FAM13A: variants seen among roughly 807,000 people sequenced by gnomAD.
FAM13A encodes protein FAM13A.
In FAM13A, 76 loss-of-function variants were observed where a neutral mutation model predicts 129.6. The ratio of observed to expected loss-of-function variants is 0.59; its 90% CI spans 0.49 to 0.71. The LOEUF is 0.71. Among genes scored for constraint, FAM13A ranks in the 30% least tolerant of loss-of-function variants. The pLI is 0.00. For missense variants in FAM13A, 1,108 were observed against 1,249.3 expected (o/e 0.89, Z 1.70); for synonymous variants, 443 against 449.9 (o/e 0.98, Z 0.20).
rs543475419 is a variant in FAM13A, at chr4:88,867,639, GA to G, written c.844-16457del. Among the ~76,000 whole-genome samples the G allele has an allele frequency of 6.6e-5, 10 of 152,306 alleles. No individual in the cohort carries two copies. In the East Asian group the frequency reaches 1.9e-3, roughly 29 times the overall value. On this transcript the variant is annotated intron_variant, in intron 6 of 23. Coordinates refer to ENST00000264344, the MANE Select transcript of FAM13A (RefSeq NM_014883.4). Reference sequence around the variant, plus strand: ...CACAAATATAGAAGACACAAATAATGAGGACTACTGTACTATATTTTGCATG... The same window carrying G: ...CACAAATATAGAAGACACAAATAATGGGACTACTGTACTATATTTTGCATG...
intron 14 of FAM13A, among the ~76,000 whole-genome samples, 187 bp downstream of exon 14, chr4:88,758,567 C>T (rs1744169930): frequency 6.6e-6 from 1 of 152,090 alleles, no homozygotes; most frequent in Non-Finnish European, 1.5e-5. Flanking sequence ...ATTGCAACTG[C>T]CCTCAGCAAC....
intron 7 of FAM13A, among the ~76,000 whole-genome samples, chr4:88,835,822 A>C (rs1341536497): frequency 6.6e-6 from 1 of 152,078 alleles, no homozygotes; most frequent in East Asian, 1.9e-4. Flanking sequence ...GTAAATAAAG[A>C]TGAGGCTTCA....
chr4:89,001,608 T>C (rs1227592250), intron 3 of FAM13A, among the ~76,000 whole-genome samples: 1 of 152,216 alleles, frequency 6.6e-6, no homozygotes, highest in African/African-American at 2.4e-5. Context: ...ATGCTTGTTA[T>C]GGAGTTCATA....
intron 3 of FAM13A, among the ~76,000 whole-genome samples, chr4:89,015,339 C>T (rs1393083244): frequency 2.0e-5 from 3 of 152,192 alleles, no homozygotes; most frequent in Non-Finnish European, 2.9e-5. Flanking sequence ...TGTACACTCC[C>T]TCCCCCTTTT....
intron 3 of FAM13A, 106 bp downstream of exon 3, chr4:89,020,354 C>A: frequency 1.4e-6 from 1 of 700,736 alleles, no homozygotes; most frequent in Non-Finnish European, 2.3e-6. Flanking sequence ...TGGCTTCAAG[C>A]AATCTTTCTA....
At chr4:88,957,485 T>C (rs535006028) in intron 4 of FAM13A, among the ~76,000 whole-genome samples, 200 of 152,320 alleles carry the variant, frequency 1.3e-3, no homozygotes, top group African/African-American at 4.2e-3. Flanking sequence ...ATTAGACCTC[T>C]TTTCTTCATA....
At position 88,747,730 on chromosome 4, in the gene FAM13A, C is replaced by T. The variant is rs900072648; in HGVS notation, c.2283G>A (p.Val761=). The part of the protein sequence containing the change: ...EKEDEKKQEL[V]DKAIKPSVEA... ...CAACACTGGGCTTTATTGCTTTATCCACCAGCTCTTGCTTCTTCTCATCTT... is the reference window on the plus strand; with the variant it reads ...CAACACTGGGCTTTATTGCTTTATCTACCAGCTCTTGCTTCTTCTCATCTT... The change falls in exon 18 of 24, where the codon GTG becomes GTA. Residue 761 remains valine, a synonymous_variant. Coordinates refer to ENST00000264344, the MANE Select transcript of FAM13A (RefSeq NM_014883.4). 2.5e-6 allele frequency: 4 copies of T among 1,614,048 alleles called. No individual in the cohort carries two copies. The highest frequency in any genetic ancestry group is 1.6e-4 in the Middle Eastern group (1 of 6,084).
chr4:89,005,295 T>G (rs189553290), intron 3 of FAM13A, among the ~76,000 whole-genome samples: 15 of 152,302 alleles, frequency 9.8e-5, no homozygotes, highest in African/African-American at 3.4e-4. Context: ...ATGTATTATA[T>G]TTTCTTTATC....
intron 1 of FAM13A, among the ~76,000 whole-genome samples, chr4:89,040,757 T>C (rs1770006451): frequency 6.6e-6 from 1 of 152,174 alleles, no homozygotes; most frequent in Admixed American, 6.5e-5. Flanking sequence ...CTTGACTGGA[T>C]TGAAGGATGC....
chr4:88,808,883 C>T (rs1220900353), intron 7 of FAM13A, among the ~76,000 whole-genome samples: 2 of 152,048 alleles, frequency 1.3e-5, no homozygotes, highest in African/African-American at 2.4e-5. Flanking sequence ...CTCAAAATAA[C>T]TGCTTGTAGG....
chr4:89,044,714 T>C lies in FAM13A; in HGVS notation c.27+12224A>G, dbSNP rs76289898. 6.4e-3 allele frequency among the ~76,000 whole-genome samples: 971 copies of C among 152,194 alleles called. 13 individuals are homozygous for C. Among genetic ancestry groups the C allele is most frequent in the African/African-American group, 0.022 (924 of 41,526 alleles). ...GAAAGGATAAATACAAGGTAGAATATACATAAAATGGAATATTATTCAGGC... is the reference window on the plus strand; with the variant it reads ...GAAAGGATAAATACAAGGTAGAATACACATAAAATGGAATATTATTCAGGC... On this transcript the variant is annotated intron_variant, in intron 1 of 23. Transcript: ENST00000264344.
At chr4:88,925,456 C>G (rs1751942443) in intron 5 of FAM13A, among the ~76,000 whole-genome samples, 1 of 148,796 alleles carries the variant, frequency 6.7e-6, no homozygotes, top group African/African-American at 2.5e-5. Context: ...ATCGCAAGGA[C>G]AAAAAACCAA....
At chr4:88,822,799 A>G (rs777512961) in intron 7 of FAM13A, among the ~76,000 whole-genome samples, 16 of 152,358 alleles carry the variant, frequency 1.1e-4, no homozygotes, top group Non-Finnish European at 1.9e-4. Context: ...GCAAAATGTC[A>G]GTAAAAGAGC....
At chr4:88,781,396 G>C (rs749681564) in intron 10 of FAM13A, 45 bp from the exon 11 acceptor site, 47 of 1,362,310 alleles carry the variant, frequency 3.5e-5, no homozygotes, top group Non-Finnish European at 4.7e-5. Flanking sequence ...AAGATCAAAT[G>C]GTCATTGAAT....
intron 5 of FAM13A, among the ~76,000 whole-genome samples, chr4:88,919,187 C>T (rs536736536): frequency 1.1e-4 from 16 of 152,128 alleles, no homozygotes; most frequent in Non-Finnish European, 1.6e-4. Context: ...AAACAAACAT[C>T]CTGGTTAGCA....
chr4:88,768,057 A>G lies in FAM13A; in HGVS notation c.1461T>C (p.Asn487=), dbSNP rs746327351. ...ELHDNQDGLV[N]MESLNSTRSH... is the part of the protein sequence containing the mutation. The stretch of plus-strand genomic sequence containing the variant: ...ATCGTGTGGAATTGAGACTTTCCAT[A>G]TTCTGTAACAGAACCATTATTGGTT... Residue 487 remains asparagine (N), a splice_region_variant and synonymous_variant, in exon 12 of 24, where the codon AAT becomes AAC. Transcript: ENST00000264344. The G allele has an allele frequency of 3.8e-6, 6 of 1,591,642 alleles. No homozygotes were observed. The Admixed American group carries it at 6.7e-5, about 18-fold the overall frequency.
At chr4:88,902,381 C>T (rs2150213719) in intron 6 of FAM13A, among the ~76,000 whole-genome samples, 1 of 152,110 alleles carries the variant, frequency 6.6e-6, no homozygotes, top group South Asian at 2.1e-4. Context: ...AAACCAAATC[C>T]AGCAACACAT....
chr4:88,738,060 G>T (rs1739383094), intron 20 of FAM13A, among the ~76,000 whole-genome samples: 1 of 152,206 alleles, frequency 6.6e-6, no homozygotes, highest in Non-Finnish European at 1.5e-5. Flanking sequence ...CATTCCTCCA[G>T]AATACATTAA....
At chr4:88,778,355 C>T (rs558229007) in intron 11 of FAM13A, among the ~76,000 whole-genome samples, 1 of 152,316 alleles carries the variant, frequency 6.6e-6, no homozygotes, top group South Asian at 2.1e-4. Context: ...TTGGAATCAT[C>T]TTTGACTCCT....
Sources: allele counts gnomAD v4.1 joint callset (sites outside exome capture counted in the v4.1 genomes callset), GRCh38; gene constraint gnomAD v4.1.1; transcripts MANE v1.5; gene names NCBI Gene and HGNC (gene_info 2026-07-23, HGNC 2026-07-21).